UIMC1: variants seen among roughly 807,000 people sequenced by gnomAD.
UIMC1 encodes the protein BRCA1-A complex subunit RAP80.
Under a neutral mutation model 84.9 loss-of-function variants are expected in UIMC1, and 42 were observed. The observed-to-expected ratio is 0.49, with a 90% CI of 0.39 to 0.64. The LOEUF (loss-of-function observed/expected upper bound fraction) is 0.64. UIMC1 is among the 30% of genes least tolerant of loss of function. UIMC1 has a pLI of 0.00. For missense variants in UIMC1, 825 were observed against 847.6 expected, an observed-to-expected ratio of 0.97 and a Z score of 0.33; for synonymous variants, 281 against 293.0, an observed-to-expected ratio of 0.96 and a Z score of 0.42.
intron 7 of UIMC1, among the ~76,000 whole-genome samples, chr5:176,957,561 G>T (rs1204187509): frequency 6.6e-6 from 1 of 152,194 alleles, no homozygotes; most frequent in African/African-American, 2.4e-5. Flanking sequence ...ATTAAAAGTG[G>T]CACAGGACAG....
chr5:176,940,516 A>G (rs1276838909), intron 10 of UIMC1, among the ~76,000 whole-genome samples: 1 of 152,162 alleles, frequency 6.6e-6, no homozygotes, highest in Non-Finnish European at 1.5e-5. Flanking sequence ...GACAGACAAG[A>G]TAGTCTCTTT....
intron 1 of UIMC1, among the ~76,000 whole-genome samples, chr5:176,997,795 C>T (rs1773852494): frequency 6.6e-6 from 1 of 152,006 alleles, no homozygotes; most frequent in African/African-American, 2.4e-5. Flanking sequence ...TATCTGCCCT[C>T]CTGCCAGATT....
At position 176,988,749 on chromosome 5, in the gene UIMC1, T is replaced by C. The variant is rs375269769; in HGVS notation, c.-8-6126A>G. The stretch of plus-strand genomic sequence containing the variant: ...GCCAGGCTGGAGTGCAGTGGTGCGA[T>C]CTCTGCTCACTGCAGCCTCCACCTC... On this transcript the variant is annotated intron_variant, in intron 1 of 14. Transcript: ENST00000511320. Among the ~76,000 whole-genome samples the C allele has an allele frequency of 2.0e-5, 3 of 150,026 alleles. No individual in the cohort carries two copies. In the East Asian group the frequency reaches 5.9e-4, roughly 30 times the overall value.
chr5:176,952,860 T>C (rs147667559), intron 8 of UIMC1, among the ~76,000 whole-genome samples: 1,631 of 151,470 alleles, frequency 0.011, 10 homozygotes, highest in South Asian at 0.025. Context: ...ATAACAACAA[T>C]AAAAAAAATA....
At position 177,015,939 on chromosome 5, in the gene UIMC1, G is replaced by A. The variant is rs191530055; in HGVS notation, c.-9+6525C>T. Among the ~76,000 whole-genome samples the A allele has an allele frequency of 6.6e-5, 10 of 152,062 alleles. No individual in the cohort carries two copies. In the East Asian group the frequency reaches 1.7e-3, roughly 26 times the overall value. On this transcript the variant is annotated intron_variant, in intron 1 of 5. Transcript: ENST00000509236. ...TAAAAAATTAGCCAGACGTGGTGGC[G>A]CACATCTGTAATCCCAGCTACTCAG...
chr5:176,994,783 G>T (rs1253601512), intron 1 of UIMC1, among the ~76,000 whole-genome samples: 1 of 152,154 alleles, frequency 6.6e-6, no homozygotes, highest in Non-Finnish European at 1.5e-5. Context: ...TACAGAAGCA[G>T]AACAAAGGCA....
rs186178122 is a variant in UIMC1, at chr5:176,917,726, G to A, written c.1598-6337C>T. On this transcript the variant is annotated intron_variant, in intron 10 of 14. Transcript: ENST00000511320. ...TATAATCCCAGCGCTTCGGGAGGCC[G>A]AGGTGGGTGGATCACCTGAGGTCAG... Among the ~76,000 whole-genome samples, 66 of 152,338 alleles carry A rather than the reference G, an allele frequency of 4.3e-4. 1 individual carries two copies. Among genetic ancestry groups the A allele is most frequent in the African/African-American group, 1.5e-3 (64 of 41,580 alleles).
At chr5:176,996,630 G>C (rs936140448) in intron 1 of UIMC1, among the ~76,000 whole-genome samples, 3 of 152,138 alleles carry the variant, frequency 2.0e-5, no homozygotes, top group African/African-American at 7.2e-5. Context: ...ATGAGTCTCT[G>C]TGATTCACAC....
At chr5:176,921,969 T>G (rs183975784) in intron 10 of UIMC1, among the ~76,000 whole-genome samples, 2 of 152,218 alleles carry the variant, frequency 1.3e-5, no homozygotes, top group African/African-American at 4.8e-5. Context: ...TCAGTCATTG[T>G]GTCTTTCCTG....
intron 2 of UIMC1, among the ~76,000 whole-genome samples, chr5:176,980,480 A>G (rs1770863174): frequency 6.6e-6 from 1 of 152,134 alleles, no homozygotes; most frequent in Admixed American, 6.6e-5. Context: ...TGTATGCACA[A>G]AATTTTTTTT....
In UIMC1 at chr5:176,969,014, G is replaced by A. The variant is rs775545223; in HGVS notation, c.741C>T (p.Val247=). Residue 247 remains valine (V), a synonymous_variant, in exon 6 of 15, where the codon GTC becomes GTT. Transcript: ENST00000511320. ...TGRGSAFLKA[V]QGSGDTSRHC... ...GCCTAGATGTGTCCCCGCTACCCTG[G>A]ACAGCTTTGAGAAAAGCAGAACCCC... 6.2e-7 allele frequency: 1 copy of A among 1,614,158 alleles called. No homozygotes were observed. Among genetic ancestry groups the A allele is most frequent in the Non-Finnish European group, 8.5e-7 (1 of 1,180,032 alleles).
chr5:176,973,508 T>C (rs1269926423), intron 3 of UIMC1, among the ~76,000 whole-genome samples: 1 of 146,662 alleles, frequency 6.8e-6, no homozygotes, highest in African/African-American at 2.5e-5. Flanking sequence ...CAAGTCCAGG[T>C]GGTCGAAGCT....
chr5:176,971,690 T>C (rs1338270091), intron 3 of UIMC1, among the ~76,000 whole-genome samples: 5 of 151,888 alleles, frequency 3.3e-5, no homozygotes, highest in Non-Finnish European at 1.5e-5. Flanking sequence ...GGGAGGATCA[T>C]GTGAGGTCAG....
intron 10 of UIMC1, among the ~76,000 whole-genome samples, chr5:176,928,400 G>C (rs951907414): frequency 6.6e-6 from 1 of 152,082 alleles, no homozygotes; most frequent in Non-Finnish European, 1.5e-5. Flanking sequence ...TAGATACTAT[G>C]GAGGGAATAA....
At chr5:176,914,030 CATACCAT>C (rs993539259) in intron 10 of UIMC1, among the ~76,000 whole-genome samples, 4 of 140,314 alleles carry the variant, frequency 2.9e-5, no homozygotes, top group Non-Finnish European at 4.7e-5. Context: ...TACACCATAC[CATACCAT>C]ACACCATACC....
At chr5:176,977,588 AAAAAAAAAAG>A in intron 2 of UIMC1, among the ~76,000 whole-genome samples, 1 of 147,124 alleles carries the variant, frequency 6.8e-6, no homozygotes, top group Non-Finnish European at 1.5e-5. Flanking sequence ...ATCTCAAAAA[AAAAAAAAAAG>A]AAAAGAAAAA....
At chr5:176,968,308 A>AT (rs1768630621) in intron 6 of UIMC1, among the ~76,000 whole-genome samples, 1 of 151,376 alleles carries the variant, frequency 6.6e-6, no homozygotes, top group South Asian at 2.1e-4. Context: ...GGAGGTGGAG[A>AT]TTGCAGTGAG....
At chr5:176,934,653 C>G (rs1309777762) in intron 10 of UIMC1, among the ~76,000 whole-genome samples, 1 of 152,228 alleles carries the variant, frequency 6.6e-6, no homozygotes, top group African/African-American at 2.4e-5. Flanking sequence ...CTGACAGATA[C>G]TAACAGAATT....
chr5:176,947,335 T>C (rs1009447208), intron 9 of UIMC1, among the ~76,000 whole-genome samples: 1 of 151,840 alleles, frequency 6.6e-6, no homozygotes, highest in African/African-American at 2.4e-5. Flanking sequence ...CTTTGCAGAG[T>C]TGCTTCTACT....
Sources: gnomAD v4.1 joint callset for allele counts (sites outside exome capture counted in the v4.1 genomes callset) on GRCh38, gnomAD v4.1.1 for gene constraint, MANE v1.5 for transcripts, NCBI Gene and HGNC (gene_info 2026-07-23, HGNC 2026-07-21) for gene names.